The following WDFY3 variants were observed in gnomAD, a reference collection of about 807,000 sequenced individuals.
The protein encoded by WDFY3 is WD repeat and FYVE domain containing 3.
In WDFY3, 66 loss-of-function variants were observed where a neutral mutation model predicts 409.6. The ratio of observed to expected loss-of-function variants is 0.16; its 90% CI spans 0.13 to 0.20. The LOEUF (loss-of-function observed/expected upper bound fraction) is 0.20. Ranked by LOEUF, WDFY3 falls within the 10% of genes least tolerant of loss-of-function variation. The pLI is 1.00. For synonymous variants in WDFY3, 1,521 were observed against 1,537.1 expected, an observed-to-expected ratio of 0.99 and a Z score of 0.25; for missense variants, 3,031 against 4,298.1, an observed-to-expected ratio of 0.71 and a Z score of 8.24.
chr4:84,779,384 T>C lies in WDFY3; in HGVS notation c.4365+724A>G, dbSNP rs192391088. Among the ~76,000 whole-genome samples, 60 of 152,284 alleles carry C rather than the reference T, an allele frequency of 3.9e-4. No homozygotes were observed. In the East Asian group the frequency reaches 0.011, roughly 28 times the overall value. On this transcript the variant is annotated intron_variant, in intron 26 of 67. Coordinates refer to ENST00000295888, the MANE Select transcript of WDFY3 (RefSeq NM_014991.6). ...TATTTGTTCCTCTTCTTACAAGTGATTTTTTATCTAATTCTGACTGTGGAT... is the reference window on the plus strand; with the variant it reads ...TATTTGTTCCTCTTCTTACAAGTGACTTTTTATCTAATTCTGACTGTGGAT...
chr4:84,833,778 T>C (rs1332680817), intron 7 of WDFY3, among the ~76,000 whole-genome samples: 5 of 152,140 alleles, frequency 3.3e-5, no homozygotes, highest in Non-Finnish European at 2.9e-5. Flanking sequence ...AGCTGAAATA[T>C]CACATTTTAT....
intron 3 of WDFY3, among the ~76,000 whole-genome samples, chr4:84,882,183 A>G (rs1763626952): frequency 6.6e-6 from 1 of 152,154 alleles, no homozygotes. Flanking sequence ...GAGTATCCAC[A>G]TCAAGGCTCT....
Position 84,904,182 on chromosome 4 carries a change from G to A in WDFY3, c.-131-7172C>T, listed in dbSNP as rs562062986. ...CACCAGACACTGAATCTGCTGGTGC[G>A]TTGATCTTGAACTAGAACTGTGAGA... On this transcript the variant is annotated intron_variant, in intron 2 of 67. Coordinates refer to ENST00000295888, the MANE Select transcript of WDFY3 (RefSeq NM_014991.6). Among the ~76,000 whole-genome samples, 14 of 152,286 alleles carry A rather than the reference G, an allele frequency of 9.2e-5. No homozygotes were observed. The South Asian group carries it at 1.7e-3, about 18-fold the overall frequency.
intron 44 of WDFY3, among the ~76,000 whole-genome samples, chr4:84,732,993 T>A (rs1736856612): frequency 6.6e-6 from 1 of 152,272 alleles, no homozygotes; most frequent in Admixed American, 6.5e-5. Context: ...CTATTCTAAG[T>A]ACTTAACTAA....
intron 4 of WDFY3, among the ~76,000 whole-genome samples, chr4:84,855,028 C>T (rs1387506066): frequency 6.6e-6 from 1 of 151,808 alleles, no homozygotes; most frequent in African/African-American, 2.4e-5. Flanking sequence ...AAATTCATAA[C>T]AGATTAAAAA....
At position 84,755,354 on chromosome 4, in the gene WDFY3, G is replaced by A; in HGVS notation, c.5471C>T (p.Ser1824Phe). The A allele has an allele frequency of 6.2e-7, 1 of 1,611,944 alleles. No individual in the cohort carries two copies. Among genetic ancestry groups the A allele is most frequent in the Non-Finnish European group, 8.5e-7 (1 of 1,179,540 alleles). ...IWTFIFGVPA[S>F]SGTVVSSIHN... ...GATAGAAGAGACCACAGTTCCGCTGGAGGCAGGAACTCCAAAGATGAATGT... is the reference window on the plus strand; with the variant it reads ...GATAGAAGAGACCACAGTTCCGCTGAAGGCAGGAACTCCAAAGATGAATGT... The change falls in exon 34 of 68, where the codon TCC becomes TTC. Residue 1824 changes from serine to phenylalanine, a missense_variant. Ser to Phe is a radical substitution (Grantham distance 155, BLOSUM62 -2). Transcript: ENST00000295888.
At chr4:84,677,417 G>C (rs761073303) in intron 66 of WDFY3, 21 bp from the exon 67 acceptor site, 22 of 1,575,744 alleles carry the variant, frequency 1.4e-5, no homozygotes, top group Non-Finnish European at 1.8e-5. Flanking sequence ...CACGACAGAG[G>C]AGGTCACTGC....
At chr4:84,867,730 C>A (rs1356838239) in intron 3 of WDFY3, among the ~76,000 whole-genome samples, 1 of 152,110 alleles carries the variant, frequency 6.6e-6, no homozygotes, top group Admixed American at 6.5e-5. Context: ...TAACTAGCTG[C>A]GTTTGAGTAG....
At chr4:84,926,252 T>C (rs982931826) in intron 2 of WDFY3, among the ~76,000 whole-genome samples, 4 of 146,684 alleles carry the variant, frequency 2.7e-5, no homozygotes, top group African/African-American at 7.4e-5. Context: ...CATACAAACA[T>C]CAGGCTCTAT....
chr4:84,763,164 C>A (rs1344320495), intron 32 of WDFY3, among the ~76,000 whole-genome samples: 1 of 152,040 alleles, frequency 6.6e-6, no homozygotes, highest in Non-Finnish European at 1.5e-5. Flanking sequence ...AATTTAGATA[C>A]AAGTTTCAGC....
chr4:84,736,161 A>G lies in WDFY3; in HGVS notation c.6915+9T>C, dbSNP rs1274071157. 6.2e-7 allele frequency: 1 copy of G among 1,603,168 alleles called. No homozygotes were observed. Among genetic ancestry groups the G allele is most frequent in the Non-Finnish European group, 8.5e-7 (1 of 1,176,282 alleles). On this transcript the variant is annotated intron_variant, in intron 42 of 67. Transcript: ENST00000295888. ...ACAACTAATATCAGCAATGAAACTA[A>G]AAAAGTACCTGGGTGGAAAGACTGT... is the stretch of plus-strand genomic sequence containing the variant.
At chr4:84,683,088 G>A (rs1436656800) in intron 63 of WDFY3, 1 of 152,524 alleles carries the variant, frequency 6.6e-6, no homozygotes, top group African/African-American at 2.4e-5. Context: ...TCTCCAAGAG[G>A]GCATACAGTA....
At position 84,831,044 on chromosome 4, in the gene WDFY3, A is replaced by T. The variant is rs932771228; in HGVS notation, c.769+369T>A. 2.0e-5 allele frequency among the ~76,000 whole-genome samples: 3 copies of T among 151,946 alleles called. No individual in the cohort carries two copies. In the East Asian group the frequency reaches 5.8e-4, roughly 29 times the overall value. ...TCTACTAAAAATACAAAAATCAGCC[A>T]GGTATGGTGGTGTGCACCTGTAATC... is the stretch of plus-strand genomic sequence containing the variant. On this transcript the variant is annotated intron_variant, in intron 8 of 67. Transcript: ENST00000295888.
intron 5 of WDFY3, among the ~76,000 whole-genome samples, chr4:84,844,099 G>T (rs1420357742): frequency 6.6e-6 from 1 of 152,064 alleles, no homozygotes; most frequent in Non-Finnish European, 1.5e-5. Flanking sequence ...AATAAGTAAA[G>T]AATGCGGACA....
At chr4:84,812,323 G>T (rs1752634462) in intron 13 of WDFY3, among the ~76,000 whole-genome samples, 1 of 151,848 alleles carries the variant, frequency 6.6e-6, no homozygotes, top group Admixed American at 6.6e-5. Flanking sequence ...ATTAACAAAA[G>T]ACTTAACACA....
intron 21 of WDFY3, 106 bp downstream of exon 21, chr4:84,794,413 T>C (rs1327797562): frequency 8.9e-7 from 1 of 1,126,134 alleles, no homozygotes; most frequent in East Asian, 2.6e-5. Flanking sequence ...TATGCTATAA[T>C]AATTTAAGCT....
intron 3 of WDFY3, among the ~76,000 whole-genome samples, chr4:84,890,757 G>T (rs753161969): frequency 1.3e-5 from 2 of 152,164 alleles, no homozygotes; most frequent in African/African-American, 4.8e-5. Context: ...ATATATAATA[G>T]GTAAGTGAGC....
chr4:84,792,191 A>G (rs1053139052), intron 21 of WDFY3, among the ~76,000 whole-genome samples: 5 of 152,214 alleles, frequency 3.3e-5, no homozygotes, highest in African/African-American at 1.2e-4. Context: ...TACCAAGATT[A>G]TATTTTAGAA....
rs191076911 is a variant in WDFY3, at chr4:84,788,975, G to A, written c.3669+751C>T. 4.3e-3 allele frequency among the ~76,000 whole-genome samples: 649 copies of A among 152,174 alleles called. 6 individuals carry two copies. The highest frequency in any genetic ancestry group is 0.015 in the African/African-American group (629 of 41,520). On this transcript the variant is annotated intron_variant, in intron 22 of 67. Coordinates refer to ENST00000295888, the MANE Select transcript of WDFY3 (RefSeq NM_014991.6). ...GTGGAGGTTGCGGTGAGCTGAGATCGTGCCACTGCACTCCAGCCTGGGCGA... is the reference window on the plus strand; with the variant it reads ...GTGGAGGTTGCGGTGAGCTGAGATCATGCCACTGCACTCCAGCCTGGGCGA...
Sources: allele counts gnomAD v4.1 joint callset (sites outside exome capture counted in the v4.1 genomes callset), GRCh38; gene constraint gnomAD v4.1.1; transcripts MANE v1.5; gene names NCBI Gene and HGNC (gene_info 2026-07-23, HGNC 2026-07-21).